The following CDC42BPB variants were observed in gnomAD, a reference collection of about 807,000 sequenced individuals.
CDC42BPB encodes the protein serine/threonine-protein kinase MRCK beta.
CDC42BPB carries 37 observed loss-of-function variants against 214.9 expected under a neutral mutation model. The ratio of observed to expected loss-of-function variants is 0.17; its 90% CI spans 0.13 to 0.23. The LOEUF (loss-of-function observed/expected upper bound fraction) is 0.23. Ranked by LOEUF, CDC42BPB falls within the 10% of genes least tolerant of loss-of-function variation. The pLI is 1.00. For synonymous variants in CDC42BPB, 931 were observed against 884.0 expected (o/e 1.05, Z -0.94); for missense variants, 1,694 against 2,227.0 (o/e 0.76, Z 4.82).
Position 102,946,656 on chromosome 14 carries a change from G to A in CDC42BPB, c.3560C>T (p.Ser1187Phe). The change falls in exon 28 of 37, where the codon TCT (serine) becomes TTT (phenylalanine). Residue 1187 changes from serine (S) to phenylalanine (F), a missense_variant. This residue lies in a region of CDC42BPB where 567 missense variants were observed against 790.3 expected (regional missense o/e 0.72). Coordinates refer to ENST00000361246, the MANE Select transcript of CDC42BPB (RefSeq NM_006035.4). Reference sequence around the variant, plus strand: ...CAGAATGAGCAGCGAGCTGGTCTTAGAAGGTGCACCTAAGAGAGAGGCCGT... The same window carrying A: ...CAGAATGAGCAGCGAGCTGGTCTTAAAAGGTGCACCTAAGAGAGAGGCCGT... ...RVTASLLGAPSKTSSLLILTE... is the reference protein window; with the variant it reads ...RVTASLLGAPFKTSSLLILTE... 1 of 1,612,802 alleles carries A rather than the reference G, an allele frequency of 6.2e-7. No individual in the cohort carries two copies. Among genetic ancestry groups the A allele is most frequent in the Non-Finnish European group, 8.5e-7 (1 of 1,179,966 alleles).
rs775226335 is a variant in CDC42BPB at position 102,933,764 on chromosome 14, T to C, written c.5084A>G (p.His1695Arg). 7 of 1,495,868 alleles carry C rather than the reference T, an allele frequency of 4.7e-6. No homozygotes were observed. Among genetic ancestry groups the C allele is most frequent in the East Asian group, 2.7e-5 (1 of 37,172 alleles). The allele number at this position is 1,495,868 out of a possible 1,614,324, so 92.7% of individuals were successfully genotyped here. The stretch of plus-strand genomic sequence containing the variant: ...GCCTTCGAGGGGGAGCTGGCTCCTG[T>C]GGGGGGAGTTGGGGCTCGGTGGGCC... The part of the protein sequence containing the change: ...PSGPPSPNSP[H>R]RSQLPLEGLE... Residue 1695 changes from histidine (H) to arginine (R), a missense_variant, in exon 37 of 37, where the codon CAC becomes CGC. Physicochemically the swap from His to Arg is conservative, Grantham distance 29. This residue lies in a region of CDC42BPB where 146 missense variants were observed against 134.1 expected (regional missense o/e 1.09). Transcript: ENST00000361246.
rs760971181 is a variant in CDC42BPB, at chr14:102,999,573, G to A, written c.588C>T (p.Tyr196=). 5 of 1,613,894 alleles carry A rather than the reference G, an allele frequency of 3.1e-6. No homozygotes were observed. In the African/African-American group the frequency reaches 4.0e-5, roughly 13 times the overall value. ...LAIDSIHQLH[Y]VHRDIKPDNV... is the part of the protein sequence containing the mutation. ...TATCAGAAGCCGGTTACCTGTGCAC[G>A]TAATGAAGCTGATGGATGGAGTCAA... is the stretch of plus-strand genomic sequence containing the variant. The change falls in exon 5 of 37, where the codon TAC becomes TAT. Residue 196 remains tyrosine, a synonymous_variant. Transcript: ENST00000361246.
intron 1 of CDC42BPB, among the ~76,000 whole-genome samples, chr14:103,028,331 G>T (rs917783725): frequency 6.6e-6 from 1 of 152,188 alleles, no homozygotes; most frequent in East Asian, 1.9e-4. Flanking sequence ...GTAAGCACCT[G>T]AGTCCTTCAG....
At chr14:103,055,714 T>G (rs1206622267) in intron 1 of CDC42BPB, among the ~76,000 whole-genome samples, 2 of 152,238 alleles carry the variant, frequency 1.3e-5, no homozygotes, top group Non-Finnish European at 2.9e-5. Context: ...ACAGAAGCCC[T>G]CTAAAGAATA....
intron 5 of CDC42BPB, among the ~76,000 whole-genome samples, chr14:102,989,717 CA>C (rs1358685069): frequency 2.0e-5 from 3 of 151,984 alleles, no homozygotes; most frequent in African/African-American, 7.2e-5. Flanking sequence ...ATTAAAAATA[CA>C]AAATTAGCTG....
intron 30 of CDC42BPB, among the ~76,000 whole-genome samples, chr14:102,942,234 CAT>C (rs34327473): frequency 0.3 from 46,316 of 152,012 alleles, 7,360 homozygotes; most frequent in South Asian, 0.35. Flanking sequence ...ACTGCCCACA[CAT>C]GTCTGCTGTG....
intron 1 of CDC42BPB, among the ~76,000 whole-genome samples, chr14:103,043,918 G>A (rs1390979899): frequency 6.6e-6 from 1 of 152,006 alleles, no homozygotes; most frequent in African/African-American, 2.4e-5. Context: ...ATATATCCAG[G>A]CTTATCATTT....
intron 1 of CDC42BPB, among the ~76,000 whole-genome samples, chr14:103,025,025 T>C (rs1044627103): frequency 1.3e-5 from 2 of 152,244 alleles, no homozygotes; most frequent in African/African-American, 4.8e-5. Flanking sequence ...ACAGTATATT[T>C]TGAAATTTCT....
At chr14:102,936,350 G>A (rs1460097597) in intron 36 of CDC42BPB, among the ~76,000 whole-genome samples, 1 of 152,210 alleles carries the variant, frequency 6.6e-6, no homozygotes, top group African/African-American at 2.4e-5. Flanking sequence ...CAGCCCAAAT[G>A]TGCCTCAGGG....
At chr14:103,044,751 T>A (rs984165513) in intron 1 of CDC42BPB, among the ~76,000 whole-genome samples, 1 of 151,296 alleles carries the variant, frequency 6.6e-6, no homozygotes, top group Non-Finnish European at 1.5e-5. Context: ...GCTCAAGCAA[T>A]CTTCCCACCT....
In CDC42BPB at chr14:102,954,698, C is replaced by A; in HGVS notation, c.2902-10G>T. 1.2e-6 allele frequency: 2 copies of A among 1,611,918 alleles called. No individual in the cohort carries two copies. The highest frequency in any genetic ancestry group is 2.2e-5 in the East Asian group (1 of 44,840). ...CACTAGCTGAGCTGGTCTGTGAGAACCAAGAAAGAAAGAGTGGGGTGAAAG... is the reference window on the plus strand; with the variant it reads ...CACTAGCTGAGCTGGTCTGTGAGAAACAAGAAAGAAAGAGTGGGGTGAAAG... On this transcript the variant is annotated splice_polypyrimidine_tract_variant and intron_variant, in intron 21 of 36. Coordinates refer to ENST00000361246, the MANE Select transcript of CDC42BPB (RefSeq NM_006035.4).
intron 6 of CDC42BPB, chr14:102,984,060 A>C: frequency 6.0e-6 from 1 of 166,910 alleles, no homozygotes; most frequent in Non-Finnish European, 1.2e-5. Flanking sequence ...AACCTCAATA[A>C]TGCAAAATTC....
intron 1 of CDC42BPB, among the ~76,000 whole-genome samples, chr14:103,016,146 T>C (rs1303821264): frequency 6.6e-6 from 1 of 152,200 alleles, no homozygotes; most frequent in Non-Finnish European, 1.5e-5. Context: ...ACAGGCTGGG[T>C]CCCCAGTGAC....
chr14:102,988,181 G>C (rs1011960320), intron 5 of CDC42BPB, among the ~76,000 whole-genome samples: 3 of 152,052 alleles, frequency 2.0e-5, no homozygotes, highest in Non-Finnish European at 4.4e-5. Flanking sequence ...AGATCTAGAA[G>C]AATAAAATGA....
At chr14:102,975,242 G>T (rs955168365) in intron 11 of CDC42BPB, among the ~76,000 whole-genome samples, 21 of 152,184 alleles carry the variant, frequency 1.4e-4, no homozygotes, top group African/African-American at 4.3e-4. Flanking sequence ...AGCCAATTGG[G>T]GCTGGGCGCA....
Position 102,948,003 on chromosome 14 carries a change from G to A in CDC42BPB, c.3450-201C>T, listed in dbSNP as rs1376906692. On this transcript the variant is annotated intron_variant, in intron 26 of 36. Coordinates refer to ENST00000361246, the MANE Select transcript of CDC42BPB (RefSeq NM_006035.4). ...ACTCTGGCAGGTGTTTCAGGGCTTA[G>A]GGATGCCGCAAGGGAAACCCCGGAG... 31 of 981,158 alleles carry A rather than the reference G, an allele frequency of 3.2e-5. No homozygotes were observed. In the Admixed American group the frequency reaches 4.4e-4, roughly 14 times the overall value. The allele number at this position is 981,158 out of a possible 1,614,324, so 60.8% of individuals were successfully genotyped here.
At chr14:102,959,931 G>T in intron 20 of CDC42BPB, 1 of 771,958 alleles carries the variant, frequency 1.3e-6, no homozygotes, top group Non-Finnish European at 1.6e-6. Flanking sequence ...AAGGGACTGG[G>T]TGCGGTGGCT....
chr14:102,939,504 CA>C (rs1891794008), intron 34 of CDC42BPB, 105 bp downstream of exon 34: 2 of 808,946 alleles, frequency 2.5e-6, no homozygotes, highest in Non-Finnish European at 4.2e-6. Flanking sequence ...AGCACAGCGC[CA>C]GCCTCGCAGG....
rs1416153976 is a variant in CDC42BPB at position 103,057,351 on chromosome 14, G to T, written c.-178C>A. 9.8e-6 allele frequency: 10 copies of T among 1,018,870 alleles called. No homozygotes were observed. The highest frequency in any genetic ancestry group is 4.5e-5 in the South Asian group (1 of 22,140). The allele number at this position is 1,018,870 out of a possible 1,614,324, so 63.1% of individuals were successfully genotyped here. ...CCGACATCTTGGGCTCCGTCCCGAC[G>T]GCGCAGAGTCTGGGGCGCCGGGCCC... On this transcript the variant is annotated 5_prime_UTR_variant, in exon 1 of 37. Transcript: ENST00000361246.
Sources: allele counts gnomAD v4.1 joint callset (sites outside exome capture counted in the v4.1 genomes callset), GRCh38; gene constraint gnomAD v4.1.1; regional missense constraint gnomAD v4.1.1; transcripts MANE v1.5; gene names NCBI Gene and HGNC (gene_info 2026-07-23, HGNC 2026-07-21).